ATXN7: variants seen among roughly 807,000 people sequenced by gnomAD.
The protein encoded by ATXN7 is ataxin-7.
ATXN7 carries 12 observed loss-of-function variants against 70.5 expected under a neutral mutation model. The observed-to-expected ratio is 0.17, with a 90% CI of 0.11 to 0.28. The LOEUF (loss-of-function observed/expected upper bound fraction) is 0.28, where lower values mean the gene tolerates loss of function less well. Among genes scored for constraint, ATXN7 ranks in the 10% least tolerant of loss-of-function variants. The pLI is 1.00. For missense variants in ATXN7, 1,256 were observed against 1,131.7 expected (o/e 1.11, Z -1.58); for synonymous variants, 498 against 448.7 (o/e 1.11, Z -1.39).
chr3:63,872,713 A>G (rs915878985), intron 1 of ATXN7, among the ~76,000 whole-genome samples: 1 of 152,212 alleles, frequency 6.6e-6, no homozygotes, highest in Non-Finnish European at 1.5e-5. Flanking sequence ...AGCCATCAAC[A>G]TATGTGCCAA....
chr3:63,924,030 G>A lies in ATXN7; in HGVS notation c.394+10805G>A, dbSNP rs768130270. On this transcript the variant is annotated intron_variant, in intron 4 of 12. Transcript: ENST00000674280. ...CACTGGCTAATATGTGGAGGGACTG[G>A]CTGACCAGGTTAGAGGTAATAGTGG... 3.3e-4 allele frequency among the ~76,000 whole-genome samples: 50 copies of A among 152,278 alleles called. 1 individual carries two copies. Among genetic ancestry groups the A allele is most frequent in the South Asian group, 2.1e-3 (10 of 4,822 alleles).
chr3:63,970,971 C>G (rs2075303189), intron 5 of ATXN7, among the ~76,000 whole-genome samples: 1 of 152,152 alleles, frequency 6.6e-6, no homozygotes, highest in Admixed American at 6.5e-5. Flanking sequence ...TTTCAAGTGG[C>G]CCAAGTGCTA....
intron 4 of ATXN7, among the ~76,000 whole-genome samples, chr3:63,925,642 A>C (rs1008468427): frequency 6.6e-6 from 1 of 152,190 alleles, no homozygotes; most frequent in Admixed American, 6.5e-5. Flanking sequence ...GCTTCCCAGC[A>C]CCCTTAGAAG....
chr3:63,927,582 G>A (rs1046547363), intron 4 of ATXN7, among the ~76,000 whole-genome samples: 1 of 152,180 alleles, frequency 6.6e-6, no homozygotes, highest in Admixed American at 6.5e-5. Flanking sequence ...GTAACAATAA[G>A]CCGTGAAGAG....
intron 2 of ATXN7, chr3:63,905,028 C>CG (rs1393471523): frequency 6.6e-6 from 1 of 152,030 alleles, no homozygotes; most frequent in African/African-American, 2.4e-5. Context: ...TGTTAATTTA[C>CG]TGGGCTGCGT....
At chr3:63,951,685 A>G (rs1157301213) in intron 4 of ATXN7, among the ~76,000 whole-genome samples, 2 of 152,206 alleles carry the variant, frequency 1.3e-5, no homozygotes, top group African/African-American at 4.8e-5. Flanking sequence ...GTTTTCATGT[A>G]TATGCAGACA....
intron 4 of ATXN7, among the ~76,000 whole-genome samples, chr3:63,940,285 TCACACACACACACACACACACACA>T (rs34660611): frequency 2.8e-4 from 40 of 141,522 alleles, no homozygotes; most frequent in Middle Eastern, 7.1e-3. Context: ...CCATGCCCCA[TCACACACACACACACACACACACA>T]CACACACACA....
At chr3:63,918,554 G>T (rs2107312592) in intron 4 of ATXN7, among the ~76,000 whole-genome samples, 1 of 152,244 alleles carries the variant, frequency 6.6e-6, no homozygotes, top group Admixed American at 6.5e-5. Flanking sequence ...CACAAACTCT[G>T]CCCTACTCCC....
At chr3:63,892,816 A>C (rs1703325503) in intron 1 of ATXN7, among the ~76,000 whole-genome samples, 1 of 152,176 alleles carries the variant, frequency 6.6e-6, no homozygotes, top group Admixed American at 6.5e-5. Flanking sequence ...TACAAGAATG[A>C]AATGTTGCAG....
At chr3:63,973,630 G>A (rs188739991) in intron 5 of ATXN7, among the ~76,000 whole-genome samples, 2 of 152,262 alleles carry the variant, frequency 1.3e-5, no homozygotes, top group Admixed American at 1.3e-4. Flanking sequence ...CTGTGTTAAG[G>A]TTGTACCTGC....
chr3:63,988,011 A>G (rs1256033675), intron 8 of ATXN7, 48 bp from the exon 9 acceptor site: 1 of 1,605,508 alleles, frequency 6.2e-7, no homozygotes, highest in Non-Finnish European at 8.5e-7. Flanking sequence ...AGGCAGACCA[A>G]AAATTATTAA....
intron 4 of ATXN7, among the ~76,000 whole-genome samples, chr3:63,915,215 G>T (rs921088546): frequency 7.2e-5 from 11 of 152,160 alleles, no homozygotes; most frequent in African/African-American, 2.7e-4. Flanking sequence ...GATTACAGGT[G>T]TGAGCCACCG....
rs543269873 is a variant in ATXN7, at chr3:63,877,163, T to C, written c.-111+13005T>C. 2.6e-5 allele frequency among the ~76,000 whole-genome samples: 4 copies of C among 152,348 alleles called. No homozygotes were observed. The South Asian group carries it at 8.3e-4, about 32-fold the overall frequency. On this transcript the variant is annotated intron_variant, in intron 1 of 12. Coordinates refer to ENST00000674280, the MANE Select transcript of ATXN7 (RefSeq NM_001377405.1). ...AATTTAGATTTTAAGTTTCAAGAAT[T>C]ACATAAATTTGGGTCTTAAGGAAAA...
chr3:63,895,891 ATTCT>A (rs1703430674), intron 1 of ATXN7, among the ~76,000 whole-genome samples: 1 of 151,940 alleles, frequency 6.6e-6, no homozygotes, highest in African/African-American at 2.4e-5. Flanking sequence ...CAGCACATTC[ATTCT>A]TTCATTCTCT....
intron 5 of ATXN7, among the ~76,000 whole-genome samples, chr3:63,954,719 T>G (rs1240151909): frequency 6.7e-6 from 1 of 149,160 alleles, no homozygotes; most frequent in Non-Finnish European, 1.5e-5. Context: ...TTGTTTTTTT[T>G]TTTTTTTGAG....
chr3:63,969,608 T>A (rs1015040762), intron 5 of ATXN7, among the ~76,000 whole-genome samples: 3 of 152,192 alleles, frequency 2.0e-5, no homozygotes, highest in Non-Finnish European at 4.4e-5. Flanking sequence ...CATAGTTTTG[T>A]TTTGTTTTTT....
At chr3:63,885,766 C>G (rs1347262312) in intron 1 of ATXN7, among the ~76,000 whole-genome samples, 3 of 152,114 alleles carry the variant, frequency 2.0e-5, no homozygotes, top group Non-Finnish European at 2.9e-5. Context: ...CCTGTAATCC[C>G]AGCACTTTGG....
intron 2 of ATXN7, among the ~76,000 whole-genome samples, chr3:63,898,924 G>T (rs1375323196): frequency 6.6e-6 from 1 of 152,144 alleles, no homozygotes; most frequent in Non-Finnish European, 1.5e-5. Flanking sequence ...AAGATCATCA[G>T]CAAGACTGTA....
intron 1 of ATXN7, among the ~76,000 whole-genome samples, chr3:63,881,819 C>T (rs1239731868): frequency 1.3e-5 from 2 of 152,146 alleles, no homozygotes; most frequent in African/African-American, 4.8e-5. Context: ...GGGCTAAGAA[C>T]TATAAGGTTG....
Sources: gnomAD v4.1 joint callset for allele counts (sites outside exome capture counted in the v4.1 genomes callset) on GRCh38, gnomAD v4.1.1 for gene constraint, MANE v1.5 for transcripts, NCBI Gene and HGNC (gene_info 2026-07-23, HGNC 2026-07-21) for gene names.